The following JPH3 variants were observed in gnomAD, a reference collection of about 807,000 sequenced individuals.
JPH3 encodes junctophilin 3.
In JPH3, 11 loss-of-function variants were observed where a neutral mutation model predicts 59.6. That is an observed-to-expected ratio of 0.18 (90% CI 0.12 to 0.31). The LOEUF (loss-of-function observed/expected upper bound fraction) is 0.31, where lower values mean the gene tolerates loss of function less well. Ranked by LOEUF, JPH3 falls within the 10% of genes least tolerant of loss-of-function variation. The pLI is 1.00. For synonymous variants in JPH3, 673 were observed against 483.6 expected, an observed-to-expected ratio of 1.39 and a Z score of -5.14; for missense variants, 1,202 against 1,105.7, an observed-to-expected ratio of 1.09 and a Z score of -1.24.
At chr16:87,645,057 G>C in intron 2 of JPH3, 22 bp downstream of exon 2, 1 of 1,585,390 alleles carries the variant, frequency 6.3e-7, no homozygotes, top group Non-Finnish European at 8.5e-7. Flanking sequence ...AGGGGGCGGG[G>C]GGCCCTTCTT....
At chr16:87,650,466 A>C (rs943150239) in intron 2 of JPH3, among the ~76,000 whole-genome samples, 1 of 152,254 alleles carries the variant, frequency 6.6e-6, no homozygotes, top group Non-Finnish European at 1.5e-5. Flanking sequence ...CTAAGTGTTC[A>C]TGTGAAAGAA....
intron 1 of JPH3, among the ~76,000 whole-genome samples, chr16:87,615,268 C>T (rs1338935740): frequency 6.6e-6 from 1 of 152,238 alleles, no homozygotes; most frequent in Non-Finnish European, 1.5e-5. Flanking sequence ...CCGGGATCAG[C>T]AGATTCCTAT....
chr16:87,670,609 C>G (rs1427056508), intron 2 of JPH3, among the ~76,000 whole-genome samples: 1 of 152,258 alleles, frequency 6.6e-6, no homozygotes, highest in Non-Finnish European at 1.5e-5. Context: ...TCAGGCAAAT[C>G]TCTGGAGCAC....
At chr16:87,608,747 C>T (rs1444587438) in intron 1 of JPH3, among the ~76,000 whole-genome samples, 2 of 152,182 alleles carry the variant, frequency 1.3e-5, no homozygotes, top group African/African-American at 4.8e-5. Flanking sequence ...AGAAGTGTGC[C>T]TATGCCTGTG....
intron 2 of JPH3, among the ~76,000 whole-genome samples, chr16:87,645,855 G>C (rs977258202): frequency 6.6e-6 from 1 of 152,206 alleles, no homozygotes; most frequent in Non-Finnish European, 1.5e-5. Context: ...AAGTTCCCCT[G>C]TGGAAAGCCA....
chr16:87,684,229 C>G lies in JPH3; in HGVS notation c.1248C>G (p.Ala416=), dbSNP rs2033363001. ...AGGCGCGGATCGCCAGGATCACTGCCAAAGAGTTCTCCCCTTCCTTCCAGC... is the reference window on the plus strand; with the variant it reads ...AGGCGCGGATCGCCAGGATCACTGCGAAAGAGTTCTCCCCTTCCTTCCAGC... ...QEEARIARIT[A]KEFSPSFQHR... is the part of the protein sequence containing the mutation. Residue 416 remains alanine, a synonymous_variant, in exon 3 of 5, where the codon GCC becomes GCG. Coordinates refer to ENST00000284262, the MANE Select transcript of JPH3 (RefSeq NM_020655.4). The G allele has an allele frequency of 6.2e-7, 1 of 1,613,866 alleles. No individual in the cohort carries two copies. The highest frequency in any genetic ancestry group is 8.5e-7 in the Non-Finnish European group (1 of 1,180,016).
intron 2 of JPH3, among the ~76,000 whole-genome samples, chr16:87,651,949 T>C (rs563743626): frequency 3.3e-5 from 5 of 152,148 alleles, no homozygotes; most frequent in East Asian, 3.9e-4. Flanking sequence ...GAAGAGTTCA[T>C]TGATGCAGCC....
Position 87,641,137 on chromosome 16 carries a change from G to T in JPH3, c.383-3121G>T, listed in dbSNP as rs1024423983. Among the ~76,000 whole-genome samples, 3 of 152,228 alleles carry T rather than the reference G, an allele frequency of 2.0e-5. No homozygotes were observed. In the South Asian group the frequency reaches 6.2e-4, roughly 32 times the overall value. On this transcript the variant is annotated intron_variant, in intron 1 of 4. Coordinates refer to ENST00000284262, the MANE Select transcript of JPH3 (RefSeq NM_020655.4). The stretch of plus-strand genomic sequence containing the variant: ...CCATCACAACTGCCCCCAGTGCTGG[G>T]ACCTCTGGGCAAGAGGCTGAGGCTG...
At chr16:87,650,752 T>C (rs1411289465) in intron 2 of JPH3, among the ~76,000 whole-genome samples, 1 of 152,190 alleles carries the variant, frequency 6.6e-6, no homozygotes, top group East Asian at 1.9e-4. Flanking sequence ...ACTCTAATGC[T>C]GTGAAGGCTG....
chr16:87,625,261 G>A (rs1426017845), intron 1 of JPH3, among the ~76,000 whole-genome samples: 1 of 152,202 alleles, frequency 6.6e-6, no homozygotes, highest in Non-Finnish European at 1.5e-5. Flanking sequence ...GGAGGAAGTG[G>A]GGTGACAGTG....
Position 87,666,914 on chromosome 16 carries a change from C to T in JPH3, c.1161-17228C>T, listed in dbSNP as rs577281556. Among the ~76,000 whole-genome samples, 24 of 152,320 alleles carry T rather than the reference C, an allele frequency of 1.6e-4. No homozygotes were observed. The East Asian group carries it at 4.4e-3, about 28-fold the overall frequency. On this transcript the variant is annotated intron_variant, in intron 2 of 4. Coordinates refer to ENST00000284262, the MANE Select transcript of JPH3 (RefSeq NM_020655.4). ...GGGCTGGGATCTGAACCCAGGCCGT[C>T]GGCTCCTGGGCCTGTGTGCCCCCTC... is the stretch of plus-strand genomic sequence containing the variant.
chr16:87,615,474 C>T (rs909059932), intron 1 of JPH3, among the ~76,000 whole-genome samples: 3 of 152,226 alleles, frequency 2.0e-5, no homozygotes, highest in African/African-American at 7.2e-5. Context: ...CTTTCCTGCC[C>T]AGTGAGTGGG....
At position 87,611,170 on chromosome 16, in the gene JPH3, C is replaced by T. The variant is rs976926095; in HGVS notation, c.382+7642C>T. ...AAGAAATAGGATGTCCTATGTTCTA[C>T]CAGGAAGAATAAGGAGTCTGAACAG... On this transcript the variant is annotated intron_variant, in intron 1 of 4. Transcript: ENST00000284262. This position sits in a 1 kb window ranked among gnomAD's most constrained non-coding sequence, Gnocchi z 4.5. Among the ~76,000 whole-genome samples the T allele has an allele frequency of 6.6e-6, 1 of 152,160 alleles. No homozygotes were observed. Among genetic ancestry groups the T allele is most frequent in the Non-Finnish European group, 1.5e-5 (1 of 68,034 alleles).
chr16:87,690,314 G>A lies in JPH3; in HGVS notation c.1954G>A (p.Val652Met), dbSNP rs2033534278. The change falls in exon 4 of 5, where the codon GTG becomes ATG. Residue 652 changes from valine to methionine, a missense_variant. Transcript: ENST00000284262. ...DHRPEDRGFG[V>M]QRLRSKAQNK... Reference sequence around the variant, plus strand: ...CCGCCCCGAGGACCGGGGCTTCGGGGTGCAGAGACTGCGGTCCAAGGCCCA... The same window carrying A: ...CCGCCCCGAGGACCGGGGCTTCGGGATGCAGAGACTGCGGTCCAAGGCCCA... The A allele has an allele frequency of 1.3e-6, 2 of 1,593,942 alleles. No individual in the cohort carries two copies. The highest frequency in any genetic ancestry group is 1.7e-6 in the Non-Finnish European group (2 of 1,171,004).
chr16:87,644,532 G>T lies in JPH3; in HGVS notation c.657G>T (p.Leu219=). The T allele has an allele frequency of 1.9e-6, 3 of 1,612,878 alleles. No individual in the cohort carries two copies. The highest frequency in any genetic ancestry group is 1.1e-5 in the South Asian group (1 of 91,070). The change falls in exon 2 of 5, where the codon CTG becomes CTT. Residue 219 remains leucine, a synonymous_variant. Coordinates refer to ENST00000284262, the MANE Select transcript of JPH3 (RefSeq NM_020655.4). Reference sequence around the variant, plus strand: ...AGAAGGGGCTGTTTCGGCGCTCGCTGCTGAGTGGGCTGAAGCTGCGCAAGT... The same window carrying T: ...AGAAGGGGCTGTTTCGGCGCTCGCTTCTGAGTGGGCTGAAGCTGCGCAAGT... ...SKKKGLFRRS[L]LSGLKLRKSE...
At chr16:87,645,094 A>G in intron 2 of JPH3, 59 bp downstream of exon 2, 1 of 1,517,334 alleles carries the variant, frequency 6.6e-7, no homozygotes. Context: ...TTGTGAGCCC[A>G]GTCTGTTCAG....
intron 2 of JPH3, among the ~76,000 whole-genome samples, chr16:87,665,363 A>C (rs1597275587): frequency 6.6e-6 from 1 of 152,110 alleles, no homozygotes; most frequent in African/African-American, 2.4e-5. Flanking sequence ...GAGCCAGGTC[A>C]CCCTGGAGAA....
At chr16:87,604,055 C>T (rs2030382450) in intron 1 of JPH3, 2 of 984,440 alleles carry the variant, frequency 2.0e-6, no homozygotes, top group Non-Finnish European at 2.4e-6. Context: ...GGGATGCCAA[C>T]CCGAACCAAA....
At chr16:87,642,177 A>G (rs77842567) in intron 1 of JPH3, among the ~76,000 whole-genome samples, 5,443 of 146,516 alleles carry the variant, frequency 0.037, 326 homozygotes, top group African/African-American at 0.12. Context: ...AGGACTTTGA[A>G]TTCCACACTT....
Sources: gnomAD v4.1 joint callset for allele counts (sites outside exome capture counted in the v4.1 genomes callset) on GRCh38, gnomAD v4.1.1 for gene constraint, Gnocchi (gnomAD v3.1) non-coding constraint, MANE v1.5 for transcripts, NCBI Gene and HGNC (gene_info 2026-07-23, HGNC 2026-07-21) for gene names.